The following CPQ variants were observed in gnomAD, a reference collection of about 807,000 sequenced individuals.
The protein encoded by CPQ is carboxypeptidase Q, also known as Ser-Met dipeptidase.
In CPQ, 37 loss-of-function variants were observed where a neutral mutation model predicts 45.7. The ratio of observed to expected loss-of-function variants is 0.81; its 90% CI spans 0.62 to 1.07. CPQ has a LOEUF of 1.07. Among genes scored for constraint, CPQ ranks in the 50% least tolerant of loss-of-function variants. The probability of loss-of-function intolerance (pLI) is 0.00; values close to 1 mark genes in which losing one functional copy is unlikely to be tolerated. For synonymous variants in CPQ, 186 were observed against 205.8 expected, an observed-to-expected ratio of 0.90 and a Z score of 0.82; for missense variants, 537 against 572.9, an observed-to-expected ratio of 0.94 and a Z score of 0.64.
intron 5 of CPQ, among the ~76,000 whole-genome samples, chr8:97,022,089 A>T (rs185778265): frequency 1.3e-5 from 2 of 152,212 alleles, no homozygotes; most frequent in Non-Finnish European, 2.9e-5. Context: ...AAATACTTAC[A>T]GCCAACTGAT....
At chr8:97,071,818 A>G (rs1810748572) in intron 7 of CPQ, among the ~76,000 whole-genome samples, 1 of 152,212 alleles carries the variant, frequency 6.6e-6, no homozygotes, top group African/African-American at 2.4e-5. Context: ...CAGGTGTTAC[A>G]GAGTGCATAA....
intron 1 of CPQ, among the ~76,000 whole-genome samples, chr8:96,658,682 CAGA>C (rs1344477342): frequency 2.0e-5 from 3 of 152,264 alleles, no homozygotes; most frequent in Admixed American, 1.3e-4. Flanking sequence ...AAGAGTGAAG[CAGA>C]AGAAGTCAGA....
At chr8:96,958,912 G>GA (rs34511194) in intron 4 of CPQ, among the ~76,000 whole-genome samples, 10,483 of 131,100 alleles carry the variant, frequency 0.08, 1,074 homozygotes, top group African/African-American at 0.24. Context: ...CAGCTTCACT[G>GA]AAAAAAAAAA....
intron 2 of CPQ, among the ~76,000 whole-genome samples, chr8:96,808,813 A>G (rs1205457077): frequency 6.6e-6 from 1 of 152,128 alleles, no homozygotes; most frequent in East Asian, 1.9e-4. Flanking sequence ...GGTCAATAGT[A>G]TCTACTTTCA....
intron 5 of CPQ, among the ~76,000 whole-genome samples, chr8:97,008,852 TA>T (rs896240585): frequency 3.9e-5 from 6 of 152,074 alleles, no homozygotes; most frequent in Admixed American, 3.9e-4. Context: ...AGGGACTCCA[TA>T]AATGCCAGCT....
intron 1 of CPQ, among the ~76,000 whole-genome samples, chr8:96,736,658 C>T (rs1809985804): frequency 6.6e-6 from 1 of 152,158 alleles, no homozygotes; most frequent in Non-Finnish European, 1.5e-5. Context: ...AGATAAATGG[C>T]TGCATACTAC....
At chr8:96,690,128 G>A (rs969655839) in intron 1 of CPQ, among the ~76,000 whole-genome samples, 2 of 151,854 alleles carry the variant, frequency 1.3e-5, no homozygotes, top group Non-Finnish European at 2.9e-5. Flanking sequence ...AGAGGTATGT[G>A]CTTATTTTTT....
At chr8:96,651,271 C>A (rs1290783366) in intron 1 of CPQ, among the ~76,000 whole-genome samples, 1 of 152,140 alleles carries the variant, frequency 6.6e-6, no homozygotes, top group East Asian at 1.9e-4. Flanking sequence ...GACAGTTAGA[C>A]CACAAGAAAG....
chr8:96,926,360 G>A (rs1812873500), intron 4 of CPQ, among the ~76,000 whole-genome samples: 1 of 152,150 alleles, frequency 6.6e-6, no homozygotes, highest in African/African-American at 2.4e-5. Context: ...TCACTTTGGG[G>A]TGGGGCTGGG....
chr8:96,886,213 G>A (rs1812305484), intron 4 of CPQ, among the ~76,000 whole-genome samples: 1 of 152,124 alleles, frequency 6.6e-6, no homozygotes, highest in Admixed American at 6.5e-5. Flanking sequence ...GTGTGCATGA[G>A]TGCACTTCAC....
chr8:97,084,853 T>C (rs1811014456), intron 7 of CPQ, among the ~76,000 whole-genome samples: 1 of 151,984 alleles, frequency 6.6e-6, no homozygotes, highest in East Asian at 1.9e-4. Flanking sequence ...TGTGTGTATG[T>C]ACACCAAAGA....
At chr8:96,974,833 G>A (rs1813747839) in intron 5 of CPQ, among the ~76,000 whole-genome samples, 1 of 151,900 alleles carries the variant, frequency 6.6e-6, no homozygotes, top group South Asian at 2.1e-4. Context: ...TAGTGACGCA[G>A]CCTATCAAAA....
intron 4 of CPQ, among the ~76,000 whole-genome samples, chr8:96,927,715 G>A (rs891257638): frequency 4.6e-5 from 7 of 152,184 alleles, no homozygotes; most frequent in Admixed American, 1.3e-4. Context: ...TCTCTCCTAG[G>A]AATTAGAACA....
intron 1 of CPQ, among the ~76,000 whole-genome samples, chr8:96,756,752 C>T (rs531184880): frequency 3.3e-5 from 5 of 152,210 alleles, no homozygotes; most frequent in East Asian, 3.9e-4. Flanking sequence ...ACCATATTGC[C>T]AATATCTTGC....
intron 6 of CPQ, among the ~76,000 whole-genome samples, chr8:97,063,070 A>G (rs1810578976): frequency 6.6e-6 from 1 of 152,072 alleles, no homozygotes; most frequent in African/African-American, 2.4e-5. Context: ...GCTTTCCACA[A>G]TGGTTGAACT....
intron 4 of CPQ, among the ~76,000 whole-genome samples, chr8:96,904,673 G>A (rs557260885): frequency 6.6e-5 from 10 of 152,138 alleles, no homozygotes; most frequent in Middle Eastern, 3.2e-3. Flanking sequence ...TCAGGTGAAG[G>A]GAGGAGAAAG....
chr8:96,738,607 C>G (rs1810028929), intron 1 of CPQ, among the ~76,000 whole-genome samples: 1 of 152,106 alleles, frequency 6.6e-6, no homozygotes, highest in Non-Finnish European at 1.5e-5. Context: ...CTATCCCTCC[C>G]CACTCCCCCC....
At chr8:96,905,709 C>T (rs1193589501) in intron 4 of CPQ, among the ~76,000 whole-genome samples, 3 of 146,956 alleles carry the variant, frequency 2.0e-5, no homozygotes, top group African/African-American at 2.5e-5. Flanking sequence ...TTTGTTTTCC[C>T]TTTACACATG....
intron 3 of CPQ, among the ~76,000 whole-genome samples, chr8:96,846,608 G>A (rs1811694596): frequency 6.6e-6 from 1 of 152,036 alleles, no homozygotes; most frequent in South Asian, 2.1e-4. Flanking sequence ...TGGATCATTT[G>A]AAAGTAAGGT....
Sources: gnomAD v4.1 joint callset for allele counts (sites outside exome capture counted in the v4.1 genomes callset) on GRCh38, gnomAD v4.1.1 for gene constraint, MANE v1.5 for transcripts, NCBI Gene and HGNC (gene_info 2026-07-23, HGNC 2026-07-21) for gene names.